Variants in STOX2 observed in about 807,000 individuals in gnomAD.
The protein encoded by STOX2 is storkhead-box protein 2.
STOX2 carries 28 observed loss-of-function variants against 60.9 expected under a neutral mutation model. The ratio of observed to expected loss-of-function variants is 0.46; its 90% CI spans 0.34 to 0.63. The LOEUF (loss-of-function observed/expected upper bound fraction) is 0.63, where lower values mean the gene tolerates loss of function less well. Ranked by LOEUF, STOX2 falls within the 30% of genes least tolerant of loss-of-function variation. The probability of loss-of-function intolerance (pLI) is 0.01; values close to 1 mark genes in which losing one functional copy is unlikely to be tolerated. For missense variants in STOX2, 1,024 were observed against 1,187.7 expected, an observed-to-expected ratio of 0.86 and a Z score of 2.03; for synonymous variants, 472 against 463.9, an observed-to-expected ratio of 1.02 and a Z score of -0.22.
intron 1 of STOX2, among the ~76,000 whole-genome samples, chr4:183,842,015 C>T (rs777910634): frequency 1.3e-5 from 2 of 152,234 alleles, no homozygotes; most frequent in Non-Finnish European, 1.5e-5. Flanking sequence ...CATATAATCC[C>T]TGTAAGAAAA....
In STOX2 at chr4:183,837,133, T is replaced by C. The variant is rs539747986; in HGVS notation, c.364+39078T>C. On this transcript the variant is annotated intron_variant, in intron 1 of 2. Transcript: ENST00000513034. ...CTGGGAGCAGAAATGGGGGAATCCTTGGAGCTTTCTCGGGGAGTGGGGAAG... is the reference window on the plus strand; with the variant it reads ...CTGGGAGCAGAAATGGGGGAATCCTCGGAGCTTTCTCGGGGAGTGGGGAAG... Among the ~76,000 whole-genome samples the C allele has an allele frequency of 2.6e-5, 4 of 152,238 alleles. No homozygotes were observed. The East Asian group carries it at 7.7e-4, about 29-fold the overall frequency.
intron 1 of STOX2, among the ~76,000 whole-genome samples, chr4:183,928,389 T>C (rs1487960638): frequency 2.0e-5 from 3 of 152,202 alleles, no homozygotes; most frequent in Non-Finnish European, 4.4e-5. Context: ...CACAAAAGCC[T>C]ACTTCAATGT....
intron 1 of STOX2, among the ~76,000 whole-genome samples, chr4:183,945,436 C>T (rs1209037732): frequency 6.6e-6 from 1 of 152,128 alleles, no homozygotes; most frequent in East Asian, 1.9e-4. Context: ...ATTTAATGAG[C>T]TTTCTAATCA....
At chr4:183,952,203 C>A (rs1475531863) in intron 1 of STOX2, among the ~76,000 whole-genome samples, 2 of 152,196 alleles carry the variant, frequency 1.3e-5, no homozygotes, top group African/African-American at 2.4e-5. Flanking sequence ...TGCTGCAGAA[C>A]CCACATGCTA....
chr4:184,011,345 A>G lies in STOX2; in HGVS notation c.2507A>G (p.Gln836Arg). ...AAAGAAACCGACAGCAGCAGCAACCAGAGAGCCACCCATTCAGCCCGGCTC... is the reference window on the plus strand; with the variant it reads ...AAAGAAACCGACAGCAGCAGCAACCGGAGAGCCACCCATTCAGCCCGGCTC... ...APKETDSSSN[Q>R]RATHSARLDS... The change falls in exon 3 of 4, where the codon CAG becomes CGG. Residue 836 changes from glutamine to arginine, a missense_variant. Gln to Arg is a conservative substitution (Grantham distance 43). Around this residue, in one of 3 missense-constraint regions of STOX2, gnomAD observed 922 missense variants for 1,058.3 expected, o/e 0.87. Transcript: ENST00000308497. This position sits in a 1 kb window ranked among gnomAD's most constrained non-coding sequence, Gnocchi z 4.4. The G allele has an allele frequency of 1.2e-6, 2 of 1,614,038 alleles. No homozygotes were observed. Among genetic ancestry groups the G allele is most frequent in the African/African-American group, 2.7e-5 (2 of 75,062 alleles).
At chr4:183,843,147 C>CAAAA (rs60213127) in intron 1 of STOX2, among the ~76,000 whole-genome samples, 5 of 102,206 alleles carry the variant, frequency 4.9e-5, no homozygotes, top group African/African-American at 1.5e-4. Flanking sequence ...GACTCCATCT[C>CAAAA]AAAAAAAAAA....
At position 184,022,669 on chromosome 4, in the gene STOX2, A is replaced by G. The variant is rs1579568962; in HGVS notation, c.*5385A>G. On this transcript the variant is annotated 3_prime_UTR_variant, in exon 4 of 4. Transcript: ENST00000308497. ...TTGTTCCCTTGCTCCCACCAAGAAG[A>G]GGTACCAAATGTGAGACCTGAGATC... 1 of 151,570 alleles carries G rather than the reference A, an allele frequency of 6.6e-6. No homozygotes were observed. The highest frequency in any genetic ancestry group is 2.1e-4 in the South Asian group (1 of 4,762). The allele number at this position is 151,570 out of a possible 1,614,324, so 9.4% of individuals were successfully genotyped here.
Position 184,019,175 on chromosome 4 carries a change from A to T in STOX2, c.*1891A>T, listed in dbSNP as rs1487232910. 1 of 152,160 alleles carries T rather than the reference A, an allele frequency of 6.6e-6. No individual in the cohort carries two copies. The highest frequency in any genetic ancestry group is 1.5e-5 in the Non-Finnish European group (1 of 68,022). 9.4% of individuals were successfully genotyped at this position (152,160 alleles called of 1,614,324 possible). A position where few individuals can be genotyped will look rare whatever the true frequency, so the allele number is the denominator to read the frequency against. The stretch of plus-strand genomic sequence containing the variant: ...TGGTGTAAATTCCTTTTTTCTGCTT[A>T]TTATAGTGAAACTTCAGCATGTTTC... On this transcript the variant is annotated 3_prime_UTR_variant, in exon 4 of 4. Transcript: ENST00000308497.
chr4:183,933,327 G>A (rs10005251), intron 1 of STOX2, among the ~76,000 whole-genome samples: 151,594 of 152,334 alleles, frequency 1, 75,434 homozygotes, highest in Middle Eastern at 1. Context: ...AGCCTGTCTA[G>A]TTCTTATTGA....
chr4:183,961,768 C>T (rs1743421079), intron 1 of STOX2, among the ~76,000 whole-genome samples: 1 of 152,170 alleles, frequency 6.6e-6, no homozygotes, highest in Non-Finnish European at 1.5e-5. Flanking sequence ...TAAAGAAAGA[C>T]TTTACCAAAG....
Position 183,870,983 on chromosome 4 carries a change from AGATACT to A in STOX2, c.364+72930_364+72935del, listed in dbSNP as rs535838004. Among the ~76,000 whole-genome samples the A allele has an allele frequency of 2.6e-3, 397 of 152,338 alleles. 1 individual carries two copies. The highest frequency in any genetic ancestry group is 9.2e-3 in the African/African-American group (381 of 41,580). On this transcript the variant is annotated intron_variant, in intron 1 of 2. Transcript: ENST00000513034. ...AACTTAAGAAGCCTAGAAATCATGA[AGATACT>A]GGTTATATGTGGCTTACTGGATGGC...
Position 183,804,501 on chromosome 4 carries a change from G to T in STOX2, c.364+6446G>T, listed in dbSNP as rs1203519397. 2.0e-5 allele frequency among the ~76,000 whole-genome samples: 3 copies of T among 152,250 alleles called. No individual in the cohort carries two copies. The East Asian group carries it at 5.8e-4, about 29-fold the overall frequency. On this transcript the variant is annotated intron_variant, in intron 1 of 2. Transcript: ENST00000513034. ...GCAGCTGAGGTCAGAAGCAGGCCCA[G>T]GCCAGGTCCTGTGGGGCCGTGTGGG...
rs143291612 is a variant in STOX2, at chr4:183,857,134, A to G, written c.364+59079A>G. On this transcript the variant is annotated intron_variant, in intron 1 of 2. Coordinates refer to the STOX2 transcript ENST00000513034. ...TCCCACAGGACTGGTCATCCTGCAG[A>G]ACTGGTTATCCCGCAGGACTGGTTA... Among the ~76,000 whole-genome samples the G allele has an allele frequency of 7.2e-3, 1,071 of 148,364 alleles. 11 individuals are homozygous for G. Among genetic ancestry groups the G allele is most frequent in the African/African-American group, 0.027 (1,030 of 38,722 alleles).
intron 1 of STOX2, among the ~76,000 whole-genome samples, chr4:183,807,007 C>G (rs369972674): frequency 5.3e-5 from 8 of 151,516 alleles, no homozygotes; most frequent in African/African-American, 1.7e-4. Flanking sequence ...GAGTCTTGCT[C>G]TGTCGCCCAG....
intron 2 of STOX2, among the ~76,000 whole-genome samples, chr4:184,007,710 T>C (rs1733933311): frequency 6.6e-6 from 1 of 152,218 alleles, no homozygotes; most frequent in Non-Finnish European, 1.5e-5. Flanking sequence ...TCAGCAGGAT[T>C]GGTTGTCCTT....
intron 1 of STOX2, among the ~76,000 whole-genome samples, chr4:183,981,576 T>C (rs1291217072): frequency 1.3e-5 from 2 of 152,208 alleles, no homozygotes; most frequent in Non-Finnish European, 2.9e-5. Flanking sequence ...TGTTTAATGT[T>C]AAAACAACAA....
intron 1 of STOX2, among the ~76,000 whole-genome samples, chr4:183,976,057 A>G (rs1308707047): frequency 6.6e-6 from 1 of 152,256 alleles, no homozygotes; most frequent in African/African-American, 2.4e-5. Flanking sequence ...TCACAGCTGT[A>G]ATCCCAGCAC....
Position 184,010,030 on chromosome 4 carries a change from G to T in STOX2, c.1192G>T (p.Asp398Tyr). ...GGATATCCCAGCTGAAAGAGAGTAT[G>T]ACTTTTGTGATCCTCTTACCAGGGT... ...HLDIPAEREY[D>Y]FCDPLTRVPR... is the part of the protein sequence containing the mutation. Residue 398 changes from aspartate to tyrosine, a missense_variant, in exon 3 of 4, where the codon GAC (aspartate) becomes TAC (tyrosine). By Grantham distance (160) the Asp-to-Tyr change is radical (BLOSUM62 -3). Coordinates refer to ENST00000308497, the MANE Select transcript of STOX2 (RefSeq NM_020225.3). The surrounding 1 kb of genome is among the most constrained non-coding windows in gnomAD (Gnocchi z 4.5). The T allele has an allele frequency of 6.2e-7, 1 of 1,613,864 alleles. No homozygotes were observed. Among genetic ancestry groups the T allele is most frequent in the South Asian group, 1.1e-5 (1 of 91,000 alleles).
chr4:183,920,891 C>T (rs1195443214), intron 1 of STOX2, among the ~76,000 whole-genome samples: 1 of 152,140 alleles, frequency 6.6e-6, no homozygotes, highest in African/African-American at 2.4e-5. Context: ...TAGGTCTTAA[C>T]GCATTTAGTG....
Sources: gnomAD v4.1 joint callset for allele counts (sites outside exome capture counted in the v4.1 genomes callset) on GRCh38, gnomAD v4.1.1 for gene constraint, gnomAD v4.1.1 regional missense constraint, Gnocchi (gnomAD v3.1) non-coding constraint, MANE v1.5 for transcripts, NCBI Gene and HGNC (gene_info 2026-07-23, HGNC 2026-07-21) for gene names.